Variants in CEP290 observed in about 807,000 individuals in gnomAD.
The protein encoded by CEP290 is centrosomal protein of 290 kDa.
A neutral mutation model predicts 344.9 loss-of-function variants in CEP290; 317 were observed. The observed-to-expected ratio is 0.92, with a 90% CI of 0.84 to 1.01. The LOEUF (loss-of-function observed/expected upper bound fraction) is 1.01, where lower values mean the gene tolerates loss of function less well. Among genes scored for constraint, CEP290 ranks in the 50% least tolerant of loss-of-function variants. The pLI is 0.00. For synonymous variants in CEP290, 932 were observed against 895.8 expected (o/e 1.04, Z -0.72); for missense variants, 2,754 against 2,761.4 (o/e 1.00, Z 0.06).
At chr12:88,064,649 G>A (rs2034759804) in intron 44 of CEP290, among the ~76,000 whole-genome samples, 1 of 152,104 alleles carries the variant, frequency 6.6e-6, no homozygotes, top group Admixed American at 6.5e-5. Flanking sequence ...TTTAGACACA[G>A]AGACATGTAC....
At position 88,125,120 on chromosome 12, in the gene CEP290, C is replaced by T. The variant is rs1481113411; in HGVS notation, c.1189+126G>A. 3 of 324,982 alleles carry T rather than the reference C, an allele frequency of 9.2e-6. No individual in the cohort carries two copies. In the East Asian group the frequency reaches 1.6e-4, roughly 18 times the overall value. 20.1% of individuals were successfully genotyped at this position (324,982 alleles called of 1,614,324 possible). ...TAAGTATAATAATAAATATCTTGTACAATTTTTTGAAAATATAAAATTCAA... is the reference window on the plus strand; with the variant it reads ...TAAGTATAATAATAAATATCTTGTATAATTTTTTGAAAATATAAAATTCAA... On this transcript the variant is annotated intron_variant, in intron 13 of 53. Coordinates refer to ENST00000552810, the MANE Select transcript of CEP290 (RefSeq NM_025114.4).
chr12:88,131,143 C>T (rs1269950832), intron 7 of CEP290, 22 bp downstream of exon 7: 2 of 1,489,426 alleles, frequency 1.3e-6, no homozygotes, highest in Non-Finnish European at 1.8e-6. Context: ...GTTGAACCAC[C>T]ACAACTACTA....
rs1173903461 is a variant in CEP290 at position 88,118,586 on chromosome 12, T to G, written c.1624-16A>C. On this transcript the variant is annotated splice_polypyrimidine_tract_variant and intron_variant, in intron 16 of 53. Transcript: ENST00000552810. ...GACTTTCAATCTGCAAAGTATAAAT[T>G]ATTAGTATTTCTCTATAGTTCAGCC... The G allele has an allele frequency of 6.2e-7, 1 of 1,608,724 alleles. No individual in the cohort carries two copies. The highest frequency in any genetic ancestry group is 1.7e-5 in the Admixed American group (1 of 59,560).
intron 37 of CEP290, among the ~76,000 whole-genome samples, chr12:88,082,564 C>G (rs1457733869): frequency 6.6e-6 from 1 of 152,024 alleles, no homozygotes; most frequent in Non-Finnish European, 1.5e-5. Context: ...TGTGGTGGCA[C>G]CTGCCTGTAG....
In CEP290 at chr12:88,058,956, A is replaced by G; in HGVS notation, c.6710T>C (p.Met2237Thr). 4 of 1,613,586 alleles carry G rather than the reference A, an allele frequency of 2.5e-6. No homozygotes were observed. Among genetic ancestry groups the G allele is most frequent in the Non-Finnish European group, 2.5e-6 (3 of 1,179,702 alleles). ...ACCAGTCTCTTCTAGTTGAACTGTC[A>G]TCTTCTCATTTAATATCTCTAAATT... Reference protein sequence around the residue: ...KNNLEILNEKMTVQLEETGKR... With the variant: ...KNNLEILNEKTTVQLEETGKR... The change falls in exon 49 of 54, where the codon ATG (methionine) becomes ACG (threonine). Residue 2237 changes from methionine to threonine, a missense_variant. Physicochemically the swap from Met to Thr is moderately conservative, Grantham distance 81. Transcript: ENST00000552810.
intron 41 of CEP290, among the ~76,000 whole-genome samples, chr12:88,072,159 T>C (rs1045492992): frequency 6.6e-6 from 1 of 152,172 alleles, no homozygotes; most frequent in African/African-American, 2.4e-5. Context: ...TGCATATACA[T>C]AATGAGATAT....
At chr12:88,079,391 T>C (rs1450916473) in intron 38 of CEP290, among the ~76,000 whole-genome samples, 162 bp from the exon 39 acceptor site, 4 of 152,172 alleles carry the variant, frequency 2.6e-5, no homozygotes, top group African/African-American at 9.7e-5. Context: ...CTCAACTTTT[T>C]CAAATAAATC....
chr12:88,076,457 T>C (rs2035779795), intron 41 of CEP290, among the ~76,000 whole-genome samples: 1 of 152,114 alleles, frequency 6.6e-6, no homozygotes, highest in African/African-American at 2.4e-5. Flanking sequence ...TTCCTAACCA[T>C]AGCTCCTCCA....
chr12:88,061,879 A>G (rs1209820010), intron 46 of CEP290, among the ~76,000 whole-genome samples: 1 of 152,038 alleles, frequency 6.6e-6, no homozygotes, highest in East Asian at 1.9e-4. Context: ...GCCAGGTTCA[A>G]GCAATTCTCC....
rs768065164 is a variant in CEP290 at position 88,059,903 on chromosome 12, T to A, written c.6640A>T (p.Lys2214Ter). 2 of 1,582,962 alleles carry A rather than the reference T, an allele frequency of 1.3e-6. No individual in the cohort carries two copies. The highest frequency in any genetic ancestry group is 1.7e-6 in the Non-Finnish European group (2 of 1,167,678). ...ATCAGTCATAAAAGTCATACTTTTTTAAGTTCTTTACGAAGCCTTTCATTT... is the reference window on the plus strand; with the variant it reads ...ATCAGTCATAAAAGTCATACTTTTTAAAGTTCTTTACGAAGCCTTTCATTT... The part of the protein sequence containing the change: ...AENERLRKEL[K>*]KETDAAEKLR... Residue 2214 changes from lysine (K) to a stop codon, truncating the protein, a stop_gained, in exon 48 of 54, where the codon AAA becomes TAA. Transcript: ENST00000552810. LOFTEE classifies it high-confidence loss of function.
At chr12:88,088,941 G>T in intron 31 of CEP290, 91 bp downstream of exon 31, 3 of 896,790 alleles carry the variant, frequency 3.3e-6, no homozygotes, top group Non-Finnish European at 4.8e-6. Flanking sequence ...GAGCCCAGGA[G>T]TTCCAGCTAT....
chr12:88,102,928 T>A lies in CEP290; in HGVS notation c.2901A>T (p.Lys967Asn), dbSNP rs756472731. ...ACTTAGCAGTCAGTTCATTGTACTGTTTATTAGCCAGTTCTAGTTCAGACA... is the reference window on the plus strand; with the variant it reads ...ACTTAGCAGTCAGTTCATTGTACTGATTATTAGCCAGTTCTAGTTCAGACA... ...VSLSELELAN[K>N]QYNELTAKYR... Residue 967 changes from lysine (K) to asparagine (N), a missense_variant, in exon 26 of 54, where the codon AAA becomes AAT. Coordinates refer to ENST00000552810, the MANE Select transcript of CEP290 (RefSeq NM_025114.4). 8.1e-6 allele frequency: 13 copies of A among 1,605,568 alleles called. 1 individual carries two copies. The highest frequency in any genetic ancestry group is 8.5e-7 in the Non-Finnish European group (1 of 1,177,036).
At position 88,138,269 on chromosome 12, in the gene CEP290, C is replaced by T. The variant is rs75365177; in HGVS notation, c.297+876G>A. 5.1e-3 allele frequency among the ~76,000 whole-genome samples: 784 copies of T among 152,292 alleles called. 18 individuals are homozygous for T. The East Asian group carries it at 0.055, about 11-fold the overall frequency. ...CATAATCATCACTTCAACCACTTTCCTACCAATATCTTCAACTGTGCTACC... is the reference window on the plus strand; with the variant it reads ...CATAATCATCACTTCAACCACTTTCTTACCAATATCTTCAACTGTGCTACC... On this transcript the variant is annotated intron_variant, in intron 5 of 53. Transcript: ENST00000552810.
intron 6 of CEP290, among the ~76,000 whole-genome samples, chr12:88,135,394 T>G (rs1274858866): frequency 6.6e-6 from 1 of 152,158 alleles, no homozygotes; most frequent in East Asian, 1.9e-4. Context: ...CAGGTCTATA[T>G]AGAAGAACAA....
chr12:88,062,136 A>G (rs2034530896), intron 46 of CEP290, among the ~76,000 whole-genome samples: 1 of 152,142 alleles, frequency 6.6e-6, no homozygotes. Context: ...TCATATATTT[A>G]ATATTACTAC....
At chr12:88,089,702 A>C (rs187922818) in intron 30 of CEP290, among the ~76,000 whole-genome samples, 3 of 152,072 alleles carry the variant, frequency 2.0e-5, no homozygotes. Flanking sequence ...AATGTAACTG[A>C]ATAACAGTGG....
At chr12:88,071,998 T>C (rs1419929924) in intron 41 of CEP290, 72 bp from the exon 42 acceptor site, 7 of 1,327,830 alleles carry the variant, frequency 5.3e-6, no homozygotes, top group Non-Finnish European at 7.0e-6. Flanking sequence ...TTATCAATTA[T>C]AATTTGCCTA....
At chr12:88,131,271 ATTT>A (rs59949315) in intron 6 of CEP290, 53 bp from the exon 7 acceptor site, 1,227 of 881,762 alleles carry the variant, frequency 1.4e-3, no homozygotes, top group South Asian at 2.0e-3. Context: ...TTCAGCAGTA[ATTT>A]TTTTTTTTTT....
chr12:88,107,151 A>G, intron 23 of CEP290, 53 bp from the exon 24 acceptor site: 1 of 1,102,604 alleles, frequency 9.1e-7, no homozygotes, highest in Non-Finnish European at 1.3e-6. Flanking sequence ...TAAAATGTTT[A>G]TAAGAAAAGA....
Sources: allele counts gnomAD v4.1 joint callset (sites outside exome capture counted in the v4.1 genomes callset), GRCh38; gene constraint gnomAD v4.1.1; transcripts MANE v1.5; gene names NCBI Gene and HGNC (gene_info 2026-07-23, HGNC 2026-07-21).